The following PCDHGB2 variants were observed in gnomAD, a reference collection of about 807,000 sequenced individuals.
PCDHGB2 encodes protocadherin gamma subfamily B, 2.
Under a neutral mutation model 59.3 loss-of-function variants are expected in PCDHGB2, and 55 were observed. The ratio of observed to expected loss-of-function variants is 0.93; its 90% confidence interval spans 0.75 to 1.16. The LOEUF is 1.16. Among genes scored for constraint, PCDHGB2 ranks in the 50% most tolerant of loss-of-function variants. The pLI is 0.00. For missense variants in PCDHGB2, 1,228 were observed against 1,198.5 expected, an observed-to-expected ratio of 1.02 and a Z score of -0.36; for synonymous variants, 516 against 512.0, an observed-to-expected ratio of 1.01 and a Z score of -0.11.
chr5:141,457,273 G>A (rs746102734), intron 1 of PCDHGB2, among the ~76,000 whole-genome samples: 7 of 152,144 alleles, frequency 4.6e-5, no homozygotes, highest in Admixed American at 1.3e-4. Context: ...CCCTCTGTGG[G>A]CCTACGAAGT....
intron 1 of PCDHGB2, chr5:141,390,163 C>CG (rs780815400): frequency 1.2e-6 from 2 of 1,613,992 alleles, no homozygotes; most frequent in Admixed American, 1.7e-5. Context: ...ACAGGAAAGA[C>CG]GGAGTTTAAT....
chr5:141,501,130 G>A (rs528942194), intron 2 of PCDHGB2, among the ~76,000 whole-genome samples: 5 of 152,100 alleles, frequency 3.3e-5, no homozygotes, highest in African/African-American at 4.8e-5. Flanking sequence ...GCCTCCCTAA[G>A]TGCTGGGATT....
At position 141,409,627 on chromosome 5, in the gene PCDHGB2, C is replaced by A. The variant is rs761778894; in HGVS notation, c.2421+47071C>A. ...CAGGAGCCTCCATTGCGCAAGTGAG[C>A]GCCTCTGACCCGGATTTGGGGCTCA... On this transcript the variant is annotated intron_variant, in intron 1 of 3. Coordinates refer to ENST00000522605, the MANE Select transcript of PCDHGB2 (RefSeq NM_018923.3). 5.0e-5 allele frequency: 80 copies of A among 1,613,716 alleles called. No individual in the cohort carries two copies. The Admixed American group carries it at 1.2e-3, about 24-fold the overall frequency.
chr5:141,466,686 T>G (rs112499949), intron 1 of PCDHGB2, among the ~76,000 whole-genome samples: 2 of 152,352 alleles, frequency 1.3e-5, no homozygotes, highest in African/African-American at 4.8e-5. Flanking sequence ...CCACTCAAGC[T>G]TCATCATAAA....
intron 1 of PCDHGB2, among the ~76,000 whole-genome samples, chr5:141,450,315 G>A (rs1319432573): frequency 1.3e-5 from 2 of 151,918 alleles, no homozygotes; most frequent in African/African-American, 4.8e-5. Context: ...GTGTGGCCTA[G>A]TTGCCATGTC....
chr5:141,411,766 C>A (rs796623075), intron 1 of PCDHGB2: 1 of 152,454 alleles, frequency 6.6e-6, no homozygotes, highest in South Asian at 2.1e-4. Context: ...CCTGTGGTCT[C>A]AGCTACTCTG....
In PCDHGB2 at chr5:141,486,043, A is replaced by G. The variant is rs1193580610; in HGVS notation, c.2422-8764A>G. 6.2e-7 allele frequency: 1 copy of G among 1,614,050 alleles called. No homozygotes were observed. Among genetic ancestry groups the G allele is most frequent in the African/African-American group, 1.3e-5 (1 of 74,918 alleles). ...GTGGTCATACCCCTGATCGTGTAAG[A>G]AACCTCTTTAGCCTGCACCCCACTA... On this transcript the variant is annotated intron_variant, in intron 1 of 3. Transcript: ENST00000522605. This position sits in a 1 kb window ranked among gnomAD's most constrained non-coding sequence, Gnocchi z 5.0.
chr5:141,366,476 C>T (rs760870646), intron 1 of PCDHGB2: 41 of 1,614,144 alleles, frequency 2.5e-5, no homozygotes, highest in Non-Finnish European at 3.1e-5. Flanking sequence ...GGTGCTCAGA[C>T]TGAGGCGCTG....
At chr5:141,398,568 G>A (rs761294182) in intron 1 of PCDHGB2, 5 of 1,614,014 alleles carry the variant, frequency 3.1e-6, no homozygotes, top group African/African-American at 1.3e-5. Flanking sequence ...AGTCTGCACA[G>A]CCTGGCACAA....
chr5:141,495,721 G>A (rs2099763243), intron 2 of PCDHGB2, among the ~76,000 whole-genome samples: 1 of 152,100 alleles, frequency 6.6e-6, no homozygotes, highest in Non-Finnish European at 1.5e-5. Context: ...TAACTACACG[G>A]GACCCTTAGT....
intron 1 of PCDHGB2, chr5:141,376,156 G>T: frequency 6.2e-7 from 1 of 1,614,074 alleles, no homozygotes; most frequent in Non-Finnish European, 8.5e-7. Flanking sequence ...ACCTCACTCT[G>T]TACCTGGTGG....
intron 3 of PCDHGB2, among the ~76,000 whole-genome samples, chr5:141,509,781 T>TCATC (rs1198131164): frequency 6.6e-6 from 1 of 152,116 alleles, no homozygotes; most frequent in Non-Finnish European, 1.5e-5. Flanking sequence ...GTCCCCGAGA[T>TCATC]CATCATCTCC....
chr5:141,423,219 T>G (rs775170753), intron 1 of PCDHGB2: 4 of 1,613,752 alleles, frequency 2.5e-6, no homozygotes, highest in Non-Finnish European at 3.4e-6. Context: ...TCACCGTGGC[T>G]GTGGCCGACA....
chr5:141,510,223 G>C (rs944276162), intron 3 of PCDHGB2, among the ~76,000 whole-genome samples: 1 of 151,302 alleles, frequency 6.6e-6, no homozygotes, highest in African/African-American at 2.4e-5. Context: ...CAGTGAGCCG[G>C]GATCGCGCCA....
At chr5:141,389,354 G>A in intron 1 of PCDHGB2, 5 of 1,613,934 alleles carry the variant, frequency 3.1e-6, no homozygotes, top group African/African-American at 2.7e-5. Flanking sequence ...ACTGCATCAT[G>A]GCCAGTGACC....
In PCDHGB2 at chr5:141,489,504, A is replaced by G. The variant is rs148241772; in HGVS notation, c.2422-5303A>G. 193 of 1,614,016 alleles carry G rather than the reference A, an allele frequency of 1.2e-4. No individual in the cohort carries two copies. Among genetic ancestry groups the G allele is most frequent in the Non-Finnish European group, 1.6e-4 (184 of 1,180,046 alleles). On this transcript the variant is annotated intron_variant, in intron 1 of 3. Transcript: ENST00000522605. The surrounding 1 kb of genome is among the most constrained non-coding windows in gnomAD (Gnocchi z 4.5). ...TGAGTGGTGCCCTGGCAGTGAATCA[A>G]AAGATTGACCGAGAAAGCCTATGTG...
chr5:141,383,168 T>C, intron 1 of PCDHGB2: 1 of 1,614,096 alleles, frequency 6.2e-7, no homozygotes. Flanking sequence ...GCGGGCAGGA[T>C]AGACCGGGAA....
intron 1 of PCDHGB2, chr5:141,478,798 T>G: frequency 6.8e-7 from 1 of 1,463,780 alleles, no homozygotes. Flanking sequence ...TCCTCAGCAC[T>G]CTTTTGCTAT....
At chr5:141,419,722 G>A (rs1194093167) in intron 1 of PCDHGB2, 2 of 1,613,306 alleles carry the variant, frequency 1.2e-6, no homozygotes, top group Admixed American at 1.7e-5. Context: ...GCCTGGGGCT[G>A]CGAACAGGCG....
Sources: allele counts gnomAD v4.1 joint callset (sites outside exome capture counted in the v4.1 genomes callset), GRCh38; gene constraint gnomAD v4.1.1; non-coding constraint Gnocchi (gnomAD v3.1); transcripts MANE v1.5; gene names NCBI Gene and HGNC (gene_info 2026-07-23, HGNC 2026-07-21).